The following MYO1D variants were observed in gnomAD, a reference collection of about 807,000 sequenced individuals.
MYO1D encodes myosin ID, also known as unconventional myosin-Id.
A neutral mutation model predicts 122.0 loss-of-function variants in MYO1D; 83 were observed. The ratio of observed to expected loss-of-function variants is 0.68; its 90% CI spans 0.57 to 0.82. MYO1D has a LOEUF of 0.82. Ranked by LOEUF, MYO1D falls within the 40% of genes least tolerant of loss-of-function variation. The pLI is 0.00. For synonymous variants in MYO1D, 464 were observed against 446.9 expected (o/e 1.04, Z -0.48); for missense variants, 1,157 against 1,269.5 (o/e 0.91, Z 1.35).
intron 19 of MYO1D, among the ~76,000 whole-genome samples, chr17:32,641,406 G>A (rs1385242990): frequency 6.6e-6 from 1 of 152,114 alleles, no homozygotes; most frequent in Non-Finnish European, 1.5e-5. Flanking sequence ...ACGTGTGCAT[G>A]TGTCTTTATA....
chr17:32,607,117 G>A (rs999244143), intron 20 of MYO1D, among the ~76,000 whole-genome samples: 11 of 151,990 alleles, frequency 7.2e-5, no homozygotes, highest in South Asian at 2.1e-4. Flanking sequence ...TTGAGATCGC[G>A]TCACTGCACT....
At chr17:32,777,575 C>T (rs1598090641) in intron 3 of MYO1D, among the ~76,000 whole-genome samples, 1 of 152,254 alleles carries the variant, frequency 6.6e-6, no homozygotes, top group South Asian at 2.1e-4. Flanking sequence ...TGCTGGGCCC[C>T]AGACAGTAGA....
chr17:32,646,683 G>C (rs1028004849), intron 19 of MYO1D, among the ~76,000 whole-genome samples: 6 of 152,080 alleles, frequency 3.9e-5, no homozygotes, highest in African/African-American at 1.4e-4. Context: ...AGCAGCAATT[G>C]TATGAAAACA....
chr17:32,750,577 T>A (rs563491755), intron 11 of MYO1D, among the ~76,000 whole-genome samples: 4 of 152,260 alleles, frequency 2.6e-5, no homozygotes, highest in African/African-American at 9.6e-5. Flanking sequence ...ATCATGCCAC[T>A]GCACTCCAGC....
At chr17:32,514,859 TCA>T (rs1597867926) in intron 21 of MYO1D, among the ~76,000 whole-genome samples, 1 of 152,210 alleles carries the variant, frequency 6.6e-6, no homozygotes, top group East Asian at 1.9e-4. Context: ...TGTTGCTTAA[TCA>T]AAAGAGGAGA....
chr17:32,562,457 ATTTTC>A (rs1357223737), intron 21 of MYO1D, among the ~76,000 whole-genome samples: 2 of 151,838 alleles, frequency 1.3e-5, no homozygotes, highest in Admixed American at 6.6e-5. Context: ...ATTTCTGATT[ATTTTC>A]TTAGGATATT....
chr17:32,644,707 G>C (rs1240413520), intron 19 of MYO1D, among the ~76,000 whole-genome samples: 33 of 152,022 alleles, frequency 2.2e-4, no homozygotes, highest in Non-Finnish European at 1.0e-4. Flanking sequence ...TTGGTTTAAG[G>C]TCCGTTTTAT....
chr17:32,801,939 A>G (rs1322741952), intron 1 of MYO1D, among the ~76,000 whole-genome samples: 2 of 152,266 alleles, frequency 1.3e-5, no homozygotes, highest in Non-Finnish European at 2.9e-5. Flanking sequence ...TACTGCAGCC[A>G]GCTGAAACGG....
intron 21 of MYO1D, among the ~76,000 whole-genome samples, chr17:32,601,862 T>C (rs1392908119): frequency 1.3e-5 from 2 of 152,238 alleles, no homozygotes; most frequent in Non-Finnish European, 2.9e-5. Flanking sequence ...TCAAATGTTT[T>C]AGCAAACATA....
In MYO1D at chr17:32,771,141, A is replaced by C; in HGVS notation, c.698T>G (p.Val233Gly). ...AATTCTCACCTTTAATTGAGCTCCCACATGAATATAGTTGTAGGATGAAAG... is the reference window on the plus strand; with the variant it reads ...AATTCTCACCTTTAATTGAGCTCCCCCATGAATATAGTTGTAGGATGAAAG... ...KSLSSYNYIH[V>G]GAQLKSSIND... Residue 233 changes from valine (V) to glycine (G), a missense_variant, in exon 6 of 22, where the codon GTG (valine) becomes GGG (glycine). Val to Gly is a moderately radical substitution (Grantham distance 109). Transcript: ENST00000318217. 6.2e-7 allele frequency: 1 copy of C among 1,606,006 alleles called. No homozygotes were observed. Among genetic ancestry groups the C allele is most frequent in the Non-Finnish European group, 8.5e-7 (1 of 1,172,902 alleles).
intron 19 of MYO1D, among the ~76,000 whole-genome samples, chr17:32,648,890 GA>G (rs760921995): frequency 6.6e-6 from 1 of 151,968 alleles, no homozygotes; most frequent in African/African-American, 2.4e-5. Context: ...TTTGCATTGA[GA>G]TTTTTTTTTA....
At position 32,876,775 on chromosome 17, in the gene MYO1D, C is replaced by G. The variant is rs758168431; in HGVS notation, c.95+3G>C. The G allele has an allele frequency of 2.0e-6, 3 of 1,507,918 alleles. No homozygotes were observed. The highest frequency in any genetic ancestry group is 2.9e-5 in the East Asian group (1 of 34,604). 93.4% of individuals were successfully genotyped at this position (1,507,918 alleles called of 1,614,324 possible). On this transcript the variant is annotated splice_donor_region_variant and intron_variant, in intron 1 of 21. Transcript: ENST00000318217. ...CCCCTGCGCGCGGCCGCTCCGCCCT[C>G]ACCTGAGCCTGAGGTTGGCCATGAA...
At chr17:32,735,564 T>C (rs1178306431) in intron 14 of MYO1D, among the ~76,000 whole-genome samples, 2 of 149,700 alleles carry the variant, frequency 1.3e-5, no homozygotes, top group Non-Finnish European at 3.0e-5. Context: ...AGTTTAAATT[T>C]GGTTTTCAAA....
intron 21 of MYO1D, among the ~76,000 whole-genome samples, chr17:32,550,404 C>T (rs2087002138): frequency 6.6e-6 from 1 of 152,158 alleles, no homozygotes; most frequent in Non-Finnish European, 1.5e-5. Flanking sequence ...TGCTTTGTTA[C>T]AAGAAATATG....
intron 16 of MYO1D, among the ~76,000 whole-genome samples, chr17:32,689,442 T>C (rs573605745): frequency 6.6e-4 from 101 of 152,316 alleles, no homozygotes; most frequent in South Asian, 3.5e-3. Flanking sequence ...TAGCGATGTT[T>C]GACAACATTA....
At chr17:32,647,859 T>A (rs1054899218) in intron 19 of MYO1D, among the ~76,000 whole-genome samples, 4 of 152,136 alleles carry the variant, frequency 2.6e-5, no homozygotes, top group African/African-American at 9.7e-5. Flanking sequence ...CAGTCTTTCC[T>A]TGATGACATT....
chr17:32,539,866 A>T (rs1258692414), intron 21 of MYO1D, among the ~76,000 whole-genome samples: 6 of 152,170 alleles, frequency 3.9e-5, no homozygotes, highest in Non-Finnish European at 8.8e-5. Flanking sequence ...AAAAATGAGA[A>T]GTTTTAGGTC....
At chr17:32,806,071 G>A (rs113904758) in intron 1 of MYO1D, among the ~76,000 whole-genome samples, 11,952 of 152,110 alleles carry the variant, frequency 0.079, 679 homozygotes, top group Non-Finnish European at 0.11. Context: ...ATCCTGGCTA[G>A]CACGGTGAAA....
At chr17:32,546,376 G>A (rs547764676) in intron 21 of MYO1D, among the ~76,000 whole-genome samples, 68 of 152,306 alleles carry the variant, frequency 4.5e-4, no homozygotes, top group Non-Finnish European at 7.9e-4. Context: ...TCTTTGTCGA[G>A]GAGCACTCCA....
Sources: allele counts gnomAD v4.1 joint callset (sites outside exome capture counted in the v4.1 genomes callset), GRCh38; gene constraint gnomAD v4.1.1; transcripts MANE v1.5; gene names NCBI Gene and HGNC (gene_info 2026-07-23, HGNC 2026-07-21).